KSR2: variants seen among roughly 807,000 people sequenced by gnomAD.
KSR2 encodes the protein kinase suppressor of ras 2.
Under a neutral mutation model 107.8 loss-of-function variants are expected in KSR2, and 25 were observed. The observed-to-expected ratio is 0.23, with a 90% CI of 0.17 to 0.32. The LOEUF (loss-of-function observed/expected upper bound fraction) is 0.32. Ranked by LOEUF, KSR2 falls within the 10% of genes least tolerant of loss-of-function variation. The pLI is 1.00. For synonymous variants in KSR2, 480 were observed against 507.0 expected (o/e 0.95, Z 0.71); for missense variants, 887 against 1,268.9 (o/e 0.70, Z 4.57).
chr12:117,571,241 G>A (rs1477839066), intron 7 of KSR2, among the ~76,000 whole-genome samples: 1 of 152,144 alleles, frequency 6.6e-6, no homozygotes, highest in Non-Finnish European at 1.5e-5. Context: ...CTGGGCAACA[G>A]AGTGAGACTC....
intron 5 of KSR2, among the ~76,000 whole-genome samples, chr12:117,633,547 T>C (rs1882908981): frequency 6.6e-6 from 1 of 152,198 alleles, no homozygotes; most frequent in Non-Finnish European, 1.5e-5. Flanking sequence ...TGGTTCTTTG[T>C]AGAGGCCCTA....
chr12:117,579,585 GT>G (rs1228699465), intron 6 of KSR2, among the ~76,000 whole-genome samples: 1 of 152,200 alleles, frequency 6.6e-6, no homozygotes, highest in Admixed American at 6.5e-5. Context: ...GCCAAGGTCA[GT>G]TCTGGGACAG....
rs374721224 is a variant in KSR2, at chr12:117,731,844, C to T, written c.986+29167G>A. On this transcript the variant is annotated intron_variant, in intron 4 of 19. Transcript: ENST00000339824. The stretch of plus-strand genomic sequence containing the variant: ...ACAGATGCTTGAAGGCAGCATGCTC[C>T]TTAAGAGTCATCACCAATCCCTAAT... Among the ~76,000 whole-genome samples the T allele has an allele frequency of 3.9e-4, 57 of 145,626 alleles. 1 individual carries two copies. Among genetic ancestry groups the T allele is most frequent in the South Asian group, 6.9e-4 (3 of 4,366 alleles).
chr12:117,787,371 A>C (rs1249678504), intron 3 of KSR2, among the ~76,000 whole-genome samples: 1 of 152,116 alleles, frequency 6.6e-6, no homozygotes, highest in Non-Finnish European at 1.5e-5. Context: ...AGTGGCCCAC[A>C]TCTGTAATCC....
At chr12:117,694,414 C>T (rs1885963754) in intron 4 of KSR2, among the ~76,000 whole-genome samples, 1 of 152,202 alleles carries the variant, frequency 6.6e-6, no homozygotes, top group African/African-American at 2.4e-5. Context: ...TTGTCTTCCA[C>T]CATGCTTGTG....
At chr12:117,496,221 T>C (rs1468214432) in intron 14 of KSR2, among the ~76,000 whole-genome samples, 3 of 152,114 alleles carry the variant, frequency 2.0e-5, no homozygotes, top group African/African-American at 4.8e-5. Flanking sequence ...CTAGGCTTCA[T>C]AGGGAGGGAG....
At chr12:117,795,062 T>C (rs558995352) in intron 3 of KSR2, among the ~76,000 whole-genome samples, 1 of 152,292 alleles carries the variant, frequency 6.6e-6, no homozygotes, top group South Asian at 2.1e-4. Flanking sequence ...TCTAAGTTGG[T>C]GTCATGCTTC....
chr12:117,784,087 G>C (rs1234530376), intron 3 of KSR2, among the ~76,000 whole-genome samples: 1 of 152,104 alleles, frequency 6.6e-6, no homozygotes, highest in Non-Finnish European at 1.5e-5. Flanking sequence ...ACATGTGCAG[G>C]TTTGTTACAG....
chr12:117,744,161 C>T (rs1888316763), intron 4 of KSR2, among the ~76,000 whole-genome samples: 1 of 152,142 alleles, frequency 6.6e-6, no homozygotes, highest in Non-Finnish European at 1.5e-5. Flanking sequence ...CCCATCCTGC[C>T]TCTGCTGCTT....
At chr12:117,689,788 AT>A (rs1056427411) in intron 4 of KSR2, among the ~76,000 whole-genome samples, 2 of 151,914 alleles carry the variant, frequency 1.3e-5, no homozygotes, top group Admixed American at 6.6e-5. Flanking sequence ...CTTTCATTAT[AT>A]GTTGATATGA....
In KSR2 at chr12:117,531,663, C is replaced by T; in HGVS notation, c.1729+3G>A. ...GGCTGCTTCCAGCTCACATGAAACT[C>T]ACCTGGGAAGATGAACTGCTGCTTG... On this transcript the variant is annotated splice_donor_region_variant and intron_variant, in intron 11 of 19. Transcript: ENST00000339824. The T allele has an allele frequency of 6.9e-6, 11 of 1,603,812 alleles. No homozygotes were observed. Among genetic ancestry groups the T allele is most frequent in the Non-Finnish European group, 9.4e-6 (11 of 1,176,002 alleles).
At chr12:117,950,771 GATA>G (rs1240672639) in intron 1 of KSR2, among the ~76,000 whole-genome samples, 1,949 of 102,538 alleles carry the variant, frequency 0.019, 60 homozygotes, top group African/African-American at 0.071. Flanking sequence ...TAATAATAAT[GATA>G]ATAATAATAA....
intron 5 of KSR2, among the ~76,000 whole-genome samples, chr12:117,635,853 G>A (rs10850866): frequency 0.16 from 24,710 of 150,528 alleles, 2,106 homozygotes; most frequent in Middle Eastern, 0.23. Context: ...GTGCAGTGGC[G>A]CGATCTCAGC....
At chr12:117,729,803 T>C (rs1349055258) in intron 4 of KSR2, among the ~76,000 whole-genome samples, 1 of 152,082 alleles carries the variant, frequency 6.6e-6, no homozygotes, top group Non-Finnish European at 1.5e-5. Context: ...GGACAGGTCC[T>C]ACTCTCAAAG....
intron 14 of KSR2, among the ~76,000 whole-genome samples, chr12:117,493,465 A>G (rs1044082964): frequency 2.0e-5 from 3 of 152,006 alleles, no homozygotes; most frequent in Non-Finnish European, 4.4e-5. Context: ...ACACCAGCCC[A>G]TCTCCGAGCC....
chr12:117,777,509 C>T lies in KSR2; in HGVS notation c.473-15985G>A, dbSNP rs905339463. ...AACCTCAGGGGTTGTGCACATCAGG[C>T]GACTCAAAGTTTTTTACCACTCTGC... On this transcript the variant is annotated intron_variant, in intron 3 of 19. Coordinates refer to ENST00000339824, the MANE Select transcript of KSR2 (RefSeq NM_173598.6). Among the ~76,000 whole-genome samples the T allele has an allele frequency of 5.3e-5, 8 of 152,200 alleles. No individual in the cohort carries two copies. The East Asian group carries it at 1.3e-3, about 26-fold the overall frequency.
chr12:117,485,642 C>G lies in KSR2; in HGVS notation c.2269G>C (p.Val757Leu). The change falls in exon 15 of 20, where the codon GTT becomes CTT. Residue 757 changes from valine (V) to leucine (L), a missense_variant. Val to Leu is a conservative substitution (Grantham distance 32). Around this residue, in one of 8 missense-constraint regions of KSR2, gnomAD observed 308 missense variants for 506.2 expected, o/e 0.61. Transcript: ENST00000339824. The stretch of plus-strand genomic sequence containing the variant: ...TGCCTGGTTTTGTTGACATCCAAAA[C>G]GATTTTGGCATCCCTCACAACGGAA... Reference protein sequence around the residue: ...LYSVVRDAKIVLDVNKTRQIA... With the variant: ...LYSVVRDAKILLDVNKTRQIA... The G allele has an allele frequency of 6.2e-7, 1 of 1,613,616 alleles. No individual in the cohort carries two copies.
chr12:117,504,560 G>A (rs1873562678), intron 14 of KSR2, among the ~76,000 whole-genome samples: 3 of 152,186 alleles, frequency 2.0e-5, no homozygotes, highest in Non-Finnish European at 4.4e-5. Flanking sequence ...TCTATGAAGT[G>A]TGGAGGGTGG....
At chr12:117,496,455 T>A (rs908980648) in intron 14 of KSR2, among the ~76,000 whole-genome samples, 1 of 152,126 alleles carries the variant, frequency 6.6e-6, no homozygotes, top group Non-Finnish European at 1.5e-5. Context: ...GGGCTGCACA[T>A]CTCATTCAGT....
Sources: allele counts gnomAD v4.1 joint callset (sites outside exome capture counted in the v4.1 genomes callset), GRCh38; gene constraint gnomAD v4.1.1; regional missense constraint gnomAD v4.1.1; transcripts MANE v1.5; gene names NCBI Gene and HGNC (gene_info 2026-07-23, HGNC 2026-07-21).